Variants in TTC7A observed in about 807,000 individuals in gnomAD.
The protein encoded by TTC7A is tetratricopeptide repeat domain 7A, also known as tetratricopeptide repeat protein 7A.
Under a neutral mutation model 103.7 loss-of-function variants are expected in TTC7A, and 110 were observed. That is an observed-to-expected ratio of 1.06 (90% CI 0.91 to 1.24). The LOEUF is 1.24. Among genes scored for constraint, TTC7A ranks in the 50% most tolerant of loss-of-function variants. The pLI is 0.00. For missense variants in TTC7A, 1,340 were observed against 1,116.3 expected (o/e 1.20, Z -2.86); for synonymous variants, 521 against 467.9 (o/e 1.11, Z -1.47).
At chr2:47,032,906 A>C (rs1042276496) in intron 15 of TTC7A, among the ~76,000 whole-genome samples, 2 of 148,892 alleles carry the variant, frequency 1.3e-5, no homozygotes, top group Admixed American at 6.7e-5. Flanking sequence ...TATACCATTT[A>C]TAGAGATATA....
intron 8 of TTC7A, among the ~76,000 whole-genome samples, chr2:46,997,607 C>T (rs1252889196): frequency 3.9e-5 from 6 of 152,158 alleles, no homozygotes; most frequent in Admixed American, 2.6e-4. Flanking sequence ...ACATGTCCTT[C>T]TCCCTCAGCA....
In TTC7A at chr2:47,075,612, G is replaced by A. The variant is rs1266934065; in HGVS notation, c.*1689G>A. On this transcript the variant is annotated 3_prime_UTR_variant, in exon 20 of 20. Transcript: ENST00000319190. ...GGCATGTAGCTCCCACACCAGCCTT[G>A]AGCCAGGCCCTGGACAGGAGGGGCT... 1 of 152,282 alleles carries A rather than the reference G, an allele frequency of 6.6e-6. No individual in the cohort carries two copies. Among genetic ancestry groups the A allele is most frequent in the Non-Finnish European group, 1.5e-5 (1 of 68,070 alleles). 9.4% of individuals were successfully genotyped at this position (152,282 alleles called of 1,614,324 possible).
chr2:47,022,116 T>A, intron 12 of TTC7A, 137 bp downstream of exon 12: 1 of 615,752 alleles, frequency 1.6e-6, no homozygotes, highest in Non-Finnish European at 2.9e-6. Flanking sequence ...CTGGGAGAGA[T>A]GCCCATGTGT....
At chr2:47,004,130 G>T (rs1459659497) in intron 8 of TTC7A, among the ~76,000 whole-genome samples, 3 of 152,194 alleles carry the variant, frequency 2.0e-5, no homozygotes, top group Non-Finnish European at 4.4e-5. Flanking sequence ...GCCTTGCCGG[G>T]ATTTCCGGGC....
chr2:47,054,744 A>C (rs935695158), intron 18 of TTC7A, among the ~76,000 whole-genome samples: 7 of 151,614 alleles, frequency 4.6e-5, no homozygotes, highest in African/African-American at 1.7e-4. Flanking sequence ...CTGAGGTGGG[A>C]GGATCACTTG....
intron 16 of TTC7A, among the ~76,000 whole-genome samples, chr2:47,048,689 G>A (rs6731390): frequency 0.27 from 40,414 of 152,082 alleles, 5,558 homozygotes; most frequent in Middle Eastern, 0.32. Context: ...TGCAGCCTCT[G>A]TCCCCTGGGC....
chr2:46,915,939 G>A (rs1668756642), upstream of TTC7A: 5 of 985,234 alleles, frequency 5.1e-6, no homozygotes, highest in South Asian at 2.3e-4. Flanking sequence ...ACGTGTAATC[G>A]GCCCGGGCCC....
At chr2:46,962,326 C>T (rs563420383) in intron 3 of TTC7A, among the ~76,000 whole-genome samples, 43 of 152,296 alleles carry the variant, frequency 2.8e-4, no homozygotes, top group African/African-American at 1.0e-3. Flanking sequence ...CATCGTCTCC[C>T]TCCTCCCAGC....
At chr2:47,063,998 C>G (rs1683993233) in intron 19 of TTC7A, among the ~76,000 whole-genome samples, 2 of 152,198 alleles carry the variant, frequency 1.3e-5, no homozygotes, top group African/African-American at 4.8e-5. Flanking sequence ...AAGTTTTGGC[C>G]AAGAGCAGAT....
intron 4 of TTC7A, 107 bp downstream of exon 4, chr2:46,975,210 C>G: frequency 7.0e-7 from 1 of 1,422,468 alleles, no homozygotes; most frequent in Non-Finnish European, 9.7e-7. Flanking sequence ...GAAGAAGTCA[C>G]CTTCTCTGTC....
chr2:47,023,947 G>T (rs1679589988), intron 13 of TTC7A, among the ~76,000 whole-genome samples: 1 of 145,174 alleles, frequency 6.9e-6, no homozygotes. Flanking sequence ...TCTCTGCCCT[G>T]GTGCCTGACT....
chr2:46,938,264 C>T (rs180879296), upstream of TTC7A, among the ~76,000 whole-genome samples: 11 of 152,272 alleles, frequency 7.2e-5, no homozygotes, highest in East Asian at 7.7e-4. Context: ...TTCTCTAAAA[C>T]GTAAAGGACA....
Position 46,976,748 on chromosome 2 carries a change from A to G in TTC7A, c.648+1645A>G, listed in dbSNP as rs1373035298. 3.3e-5 allele frequency among the ~76,000 whole-genome samples: 5 copies of G among 152,340 alleles called. No individual in the cohort carries two copies. In the South Asian group the frequency reaches 6.2e-4, roughly 19 times the overall value. On this transcript the variant is annotated intron_variant, in intron 4 of 19. Transcript: ENST00000319190. ...CTCTCCCCACTATGCCAGTAGCACT[A>G]TCCCCCTTGTTGTGACAACCAAAAA...
chr2:47,054,172 A>G, intron 18 of TTC7A: 1 of 985,438 alleles, frequency 1.0e-6, no homozygotes, highest in Non-Finnish European at 1.2e-6. Context: ...GCAGTGTAGT[A>G]TTAGGAGACC....
intron 8 of TTC7A, among the ~76,000 whole-genome samples, chr2:47,004,276 C>A (rs926386833): frequency 3.9e-5 from 6 of 152,166 alleles, no homozygotes; most frequent in Admixed American, 2.6e-4. Context: ...GGGTGAGTCA[C>A]TTCCTTGGGT....
rs749533839 is a variant in TTC7A at position 47,011,418 on chromosome 2, A to G, written c.1375A>G (p.Ile459Val). 2.5e-6 allele frequency: 4 copies of G among 1,608,448 alleles called. No individual in the cohort carries two copies. The highest frequency in any genetic ancestry group is 3.3e-5 in the Admixed American group (2 of 59,978). ...TVPLMAAKVCIGSLRWLEEAE... is the reference protein window; with the variant it reads ...TVPLMAAKVCVGSLRWLEEAE... ...GCCCCTGATGGCCGCGAAGGTCTGC[A>G]TCGGGTCCCTTCGCTGGGTGAGTGA... Residue 459 changes from isoleucine to valine, a missense_variant, in exon 11 of 20, where the codon ATC (isoleucine) becomes GTC (valine). Physicochemically the swap from Ile to Val is conservative, Grantham distance 29 (BLOSUM62 3). Coordinates refer to ENST00000319190, the MANE Select transcript of TTC7A (RefSeq NM_020458.4).
chr2:47,015,285 CTT>C (rs1678516703), intron 11 of TTC7A, among the ~76,000 whole-genome samples: 1 of 152,204 alleles, frequency 6.6e-6, no homozygotes, highest in East Asian at 1.9e-4. Context: ...ATTCATTTAA[CTT>C]AAAAAGTTGA....
intron 3 of TTC7A, among the ~76,000 whole-genome samples, chr2:46,970,171 G>C (rs114264230): frequency 9.0e-4 from 137 of 152,126 alleles, no homozygotes; most frequent in Non-Finnish European, 1.6e-3. Flanking sequence ...TTCTATTTTG[G>C]GGGGGACGGG....
chr2:47,046,510 C>T, intron 16 of TTC7A, 79 bp downstream of exon 16: 1 of 1,117,216 alleles, frequency 9.0e-7, no homozygotes, highest in Non-Finnish European at 1.4e-6. Flanking sequence ...GGCCACCATG[C>T]CTGCCAAGAT....
Sources: gnomAD v4.1 joint callset for allele counts (sites outside exome capture counted in the v4.1 genomes callset) on GRCh38, gnomAD v4.1.1 for gene constraint, MANE v1.5 for transcripts, NCBI Gene and HGNC (gene_info 2026-07-23, HGNC 2026-07-21) for gene names.